The following PRIMA1 variants were observed in gnomAD, a reference collection of about 807,000 sequenced individuals.
PRIMA1 encodes the protein proline-rich membrane anchor 1.
A neutral mutation model predicts 17.5 loss-of-function variants in PRIMA1; 7 were observed. That is an observed-to-expected ratio of 0.40 (90% CI 0.23 to 0.75). The LOEUF (loss-of-function observed/expected upper bound fraction) is 0.75. Ranked by LOEUF, PRIMA1 falls within the 30% of genes least tolerant of loss-of-function variation. The pLI, the probability that PRIMA1 is intolerant of heterozygous loss-of-function variation, is 0.37. For missense variants in PRIMA1, 200 were observed against 201.8 expected, an observed-to-expected ratio of 0.99 and a Z score of 0.05; for synonymous variants, 97 against 77.9, an observed-to-expected ratio of 1.25 and a Z score of -1.29.
At chr14:93,725,428 C>T (rs943703084) in intron 4 of PRIMA1, among the ~76,000 whole-genome samples, 3 of 152,126 alleles carry the variant, frequency 2.0e-5, no homozygotes, top group Non-Finnish European at 4.4e-5. Flanking sequence ...GCTGGGTGTT[C>T]CCTAAAGCGA....
chr14:93,728,128 C>T (rs927882221), intron 4 of PRIMA1, among the ~76,000 whole-genome samples: 18 of 152,228 alleles, frequency 1.2e-4, no homozygotes, highest in African/African-American at 3.6e-4. Context: ...CCTCTCTTCA[C>T]GGGCAAGATT....
intron 2 of PRIMA1, among the ~76,000 whole-genome samples, chr14:93,784,970 T>A (rs1389412813): frequency 6.6e-6 from 1 of 150,766 alleles, no homozygotes; most frequent in Non-Finnish European, 1.5e-5. Context: ...ATGGAAGGGG[T>A]TCAACATCAC....
chr14:93,756,539 G>A (rs1027764752), intron 3 of PRIMA1, among the ~76,000 whole-genome samples: 5 of 150,658 alleles, frequency 3.3e-5, no homozygotes, highest in Non-Finnish European at 7.4e-5. Context: ...CCCGGACCCC[G>A]ACCCCGCCCC....
chr14:93,722,562 G>GCGGTGATGA (rs2076046558), intron 4 of PRIMA1, among the ~76,000 whole-genome samples: 1 of 147,516 alleles, frequency 6.8e-6, no homozygotes, highest in Non-Finnish European at 1.5e-5. Flanking sequence ...GGTGATGGTG[G>GCGGTGATGA]TGTTGAAGGT....
At position 93,752,045 on chromosome 14, in the gene PRIMA1, G is replaced by A. The variant is rs1408976263; in HGVS notation, c.230-14675C>T. 3.3e-5 allele frequency among the ~76,000 whole-genome samples: 5 copies of A among 152,252 alleles called. No individual in the cohort carries two copies. The East Asian group carries it at 5.8e-4, about 18-fold the overall frequency. On this transcript the variant is annotated intron_variant, in intron 3 of 4. Transcript: ENST00000393140. Reference sequence around the variant, plus strand: ...ACCATCGCAGAAAGTGTATTGGGCCGTCCAGAGTGTTGGGAGGTGGGATGC... The same window carrying A: ...ACCATCGCAGAAAGTGTATTGGGCCATCCAGAGTGTTGGGAGGTGGGATGC...
intron 4 of PRIMA1, among the ~76,000 whole-genome samples, chr14:93,736,570 G>C (rs1418101573): frequency 6.6e-6 from 1 of 152,350 alleles, no homozygotes; most frequent in East Asian, 1.9e-4. Flanking sequence ...CGCCATGCCC[G>C]GGCCCTGCCG....
intron 3 of PRIMA1, among the ~76,000 whole-genome samples, chr14:93,752,245 A>G (rs555367317): frequency 1.3e-5 from 2 of 152,198 alleles, no homozygotes; most frequent in Non-Finnish European, 2.9e-5. Context: ...AGGTATCATT[A>G]GAACTATTTA....
chr14:93,753,537 T>C (rs1344174440), intron 3 of PRIMA1, among the ~76,000 whole-genome samples: 1 of 152,044 alleles, frequency 6.6e-6, no homozygotes, highest in South Asian at 2.1e-4. Flanking sequence ...CACAGAAACT[T>C]GGGAGCAGGG....
intron 3 of PRIMA1, among the ~76,000 whole-genome samples, chr14:93,746,413 G>A (rs1408557303): frequency 1.3e-5 from 2 of 152,076 alleles, no homozygotes; most frequent in African/African-American, 4.8e-5. Context: ...AATTCGGCAG[G>A]GAGTTCATCA....
chr14:93,734,306 C>G (rs2076134568), intron 4 of PRIMA1, among the ~76,000 whole-genome samples: 1 of 152,226 alleles, frequency 6.6e-6, no homozygotes, highest in Admixed American at 6.5e-5. Context: ...ACGGTGTGTC[C>G]TGATTCCCCT....
intron 4 of PRIMA1, among the ~76,000 whole-genome samples, chr14:93,722,144 G>A: frequency 7.3e-4 from 5 of 6,828 alleles, no homozygotes; most frequent in Non-Finnish European, 1.6e-3. Flanking sequence ...TGGGGTGATG[G>A]TGGTAGTGGT....
At chr14:93,781,310 C>T (rs947098970) in intron 2 of PRIMA1, among the ~76,000 whole-genome samples, 9 of 152,336 alleles carry the variant, frequency 5.9e-5, no homozygotes, top group South Asian at 2.1e-4. Context: ...GCTTCTAGAC[C>T]GGTGCCATTG....
chr14:93,756,483 G>T (rs777069859), intron 3 of PRIMA1, among the ~76,000 whole-genome samples: 1 of 152,160 alleles, frequency 6.6e-6, no homozygotes, highest in Non-Finnish European at 1.5e-5. Context: ...TTGCCCGGGC[G>T]TCTTACCCGA....
chr14:93,785,917 C>T (rs1445323445), intron 2 of PRIMA1, among the ~76,000 whole-genome samples: 1 of 152,094 alleles, frequency 6.6e-6, no homozygotes, highest in African/African-American at 2.4e-5. Context: ...CACACACACA[C>T]ACCCCTGCTT....
intron 3 of PRIMA1, among the ~76,000 whole-genome samples, chr14:93,742,876 G>A (rs1469997179): frequency 6.6e-5 from 10 of 152,154 alleles, no homozygotes; most frequent in Admixed American, 5.9e-4. Flanking sequence ...GGGGCCTTGC[G>A]ACGGTACTCA....
At chr14:93,747,770 GA>G (rs2076229883) in intron 3 of PRIMA1, among the ~76,000 whole-genome samples, 1 of 145,114 alleles carries the variant, frequency 6.9e-6, no homozygotes, top group East Asian at 2.0e-4. Context: ...GTGTGTGGGA[GA>G]GTGTGTGTAT....
At chr14:93,772,413 G>A (rs1001694419) in intron 3 of PRIMA1, among the ~76,000 whole-genome samples, 9 of 152,266 alleles carry the variant, frequency 5.9e-5, no homozygotes, top group African/African-American at 1.4e-4. Context: ...TTTTGGCCCC[G>A]TCAGCCTTGG....
chr14:93,752,526 C>G (rs1405739710), intron 3 of PRIMA1, among the ~76,000 whole-genome samples: 1 of 152,188 alleles, frequency 6.6e-6, no homozygotes, highest in African/African-American at 2.4e-5. Flanking sequence ...CTGAAAATAA[C>G]AAGCAGAGGG....
intron 4 of PRIMA1, among the ~76,000 whole-genome samples, chr14:93,734,682 G>GC (rs1457085906): frequency 2.6e-5 from 4 of 151,130 alleles, no homozygotes; most frequent in Non-Finnish European, 3.0e-5. Flanking sequence ...AAGAAGCCCC[G>GC]CCCACACCAC....
Sources: allele counts gnomAD v4.1 joint callset (sites outside exome capture counted in the v4.1 genomes callset), GRCh38; gene constraint gnomAD v4.1.1; transcripts MANE v1.5; gene names NCBI Gene and HGNC (gene_info 2026-07-23, HGNC 2026-07-21).